The following ECPAS variants were observed in gnomAD, a reference collection of about 807,000 sequenced individuals.
ECPAS encodes the protein proteasome adapter and scaffold protein ECM29.
In ECPAS, 70 loss-of-function variants were observed where a neutral mutation model predicts 255.1. The ratio of observed to expected loss-of-function variants is 0.27; its 90% CI spans 0.23 to 0.33. ECPAS has a LOEUF of 0.33. Ranked by LOEUF, ECPAS falls within the 10% of genes least tolerant of loss-of-function variation. The pLI is 1.00. For synonymous variants in ECPAS, 784 were observed against 775.0 expected, an observed-to-expected ratio of 1.01 and a Z score of -0.19; for missense variants, 1,817 against 2,206.4, an observed-to-expected ratio of 0.82 and a Z score of 3.54.
intron 2 of ECPAS, among the ~76,000 whole-genome samples, chr9:111,461,367 A>G (rs1380412378): frequency 1.3e-5 from 2 of 152,028 alleles, no homozygotes; most frequent in African/African-American, 4.8e-5. Flanking sequence ...TGAGAGGCTT[A>G]GGTGGGAGAA....
At chr9:111,397,616 G>A (rs1363831956) in intron 24 of ECPAS, among the ~76,000 whole-genome samples, 2 of 152,128 alleles carry the variant, frequency 1.3e-5, no homozygotes, top group African/African-American at 4.8e-5. Flanking sequence ...AATTAAATGA[G>A]GTTAATGTAC....
chr9:111,463,780 T>C (rs2132033324), intron 2 of ECPAS, among the ~76,000 whole-genome samples: 1 of 152,166 alleles, frequency 6.6e-6, no homozygotes, highest in Non-Finnish European at 1.5e-5. Flanking sequence ...AATCTAACAG[T>C]ACCAAATGTT....
In ECPAS at chr9:111,372,298, T is replaced by C. The variant is rs1158606359; in HGVS notation, c.4528+131A>G. ...ATGGGATGAGCAATTTGGATGGGTT[T>C]AAAACTAAATGGGATGCATATTAAG... On this transcript the variant is annotated intron_variant, in intron 42 of 49. Transcript: ENST00000684092. 5 of 873,650 alleles carry C rather than the reference T, an allele frequency of 5.7e-6. No individual in the cohort carries two copies. In the African/African-American group the frequency reaches 6.7e-5, roughly 12 times the overall value. The allele number at this position is 873,650 out of a possible 1,614,324, so 54.1% of individuals were successfully genotyped here.
intron 35 of ECPAS, 110 bp from the exon 36 acceptor site, chr9:111,378,840 C>T: frequency 9.1e-7 from 1 of 1,103,758 alleles, no homozygotes; most frequent in Non-Finnish European, 1.2e-6. Context: ...CATATTTTCA[C>T]ATGGTTGCAG....
At chr9:111,464,868 C>T (rs891252662) in intron 2 of ECPAS, among the ~76,000 whole-genome samples, 2 of 152,162 alleles carry the variant, frequency 1.3e-5, no homozygotes, top group Non-Finnish European at 2.9e-5. Flanking sequence ...TGAATTGCAT[C>T]TGCAATGTTT....
At chr9:111,479,836 G>T (rs140932925) in intron 1 of ECPAS, among the ~76,000 whole-genome samples, 1 of 151,776 alleles carries the variant, frequency 6.6e-6, no homozygotes, top group African/African-American at 2.4e-5. Context: ...AAAATTAGCT[G>T]GGCGCAGTGA....
chr9:111,368,301 T>C (rs926363346), intron 46 of ECPAS, among the ~76,000 whole-genome samples: 8 of 152,178 alleles, frequency 5.3e-5, no homozygotes, highest in South Asian at 2.1e-4. Context: ...CAAATAGTAA[T>C]GAGTTTTTCA....
At chr9:111,475,283 G>A (rs931208732) in intron 1 of ECPAS, among the ~76,000 whole-genome samples, 5 of 152,182 alleles carry the variant, frequency 3.3e-5, no homozygotes, top group South Asian at 2.1e-4. Flanking sequence ...GGTCTGAAAC[G>A]AGAGCTCAGC....
intron 7 of ECPAS, 115 bp from the exon 8 acceptor site, chr9:111,433,487 G>A (rs1490332604): frequency 4.0e-6 from 4 of 995,456 alleles, no homozygotes; most frequent in Non-Finnish European, 6.1e-6. Flanking sequence ...AGTAACAACA[G>A]TAGCAGCTCC....
intron 12 of ECPAS, 144 bp from the exon 13 acceptor site, chr9:111,423,392 A>C: frequency 1.6e-6 from 1 of 626,816 alleles, no homozygotes; most frequent in Non-Finnish European, 2.8e-6. Context: ...CTGTCTAACT[A>C]CATGGTGTTA....
chr9:111,397,660 T>C (rs898323487), intron 24 of ECPAS, among the ~76,000 whole-genome samples: 1 of 152,372 alleles, frequency 6.6e-6, no homozygotes, highest in African/African-American at 2.4e-5. Context: ...TGATTGTGGT[T>C]ACTCCACAAT....
chr9:111,378,811 G>T, intron 35 of ECPAS, 81 bp from the exon 36 acceptor site: 1 of 1,327,838 alleles, frequency 7.5e-7, no homozygotes, highest in Non-Finnish European at 1.0e-6. Context: ...AGGATGTTCT[G>T]CAGTTCACTG....
Position 111,379,514 on chromosome 9 carries a change from T to C in ECPAS, c.3804-784A>G, listed in dbSNP as rs569164640. Among the ~76,000 whole-genome samples, 246 of 152,342 alleles carry C rather than the reference T, an allele frequency of 1.6e-3. 1 individual carries two copies. The highest frequency in any genetic ancestry group is 5.8e-3 in the African/African-American group (240 of 41,588). ...ACTGACTAATCAGGGTGGTGTTTGC[T>C]GAATGCTGGCGTGGCTGTCGTAATT... is the stretch of plus-strand genomic sequence containing the variant. On this transcript the variant is annotated intron_variant, in intron 35 of 49. Coordinates refer to ENST00000684092, the MANE Select transcript of ECPAS (RefSeq NM_001364929.1).
rs778746543 is a variant in ECPAS at position 111,440,466 on chromosome 9, A to C, written c.445T>G (p.Ser149Ala). The C allele has an allele frequency of 2.5e-6, 4 of 1,613,120 alleles. No homozygotes were observed. The South Asian group carries it at 3.3e-5, about 13-fold the overall frequency. The change falls in exon 6 of 50, where the codon TCA becomes GCA. Residue 149 changes from serine to alanine, a missense_variant. Physicochemically the swap from Ser to Ala is moderately conservative, Grantham distance 99. Coordinates refer to ENST00000684092, the MANE Select transcript of ECPAS (RefSeq NM_001364929.1). ...AGATTAAATGGAGAAGCTGATTTTG[A>C]TGATTCAACAGGGTATTTCATGTGA... The part of the protein sequence containing the change: ...LFHMKYPVES[S>A]KSASPFNLAE...
chr9:111,423,473 A>T (rs1366493278), intron 12 of ECPAS, among the ~76,000 whole-genome samples: 1 of 152,172 alleles, frequency 6.6e-6, no homozygotes, highest in African/African-American at 2.4e-5. Context: ...AACAAGACAA[A>T]ACCTTGCATC....
intron 3 of ECPAS, among the ~76,000 whole-genome samples, chr9:111,447,254 A>G (rs1163853006): frequency 3.3e-5 from 5 of 152,038 alleles, no homozygotes; most frequent in Non-Finnish European, 7.4e-5. Context: ...TCACTGCAGT[A>G]GCTGGGACTA....
chr9:111,438,864 A>G (rs1452600002), intron 6 of ECPAS, among the ~76,000 whole-genome samples: 1 of 152,232 alleles, frequency 6.6e-6, no homozygotes, highest in Non-Finnish European at 1.5e-5. Flanking sequence ...CACCGCATGA[A>G]CTCTCATTTC....
chr9:111,462,502 A>G (rs2098274353), intron 2 of ECPAS, among the ~76,000 whole-genome samples: 1 of 152,166 alleles, frequency 6.6e-6, no homozygotes, highest in South Asian at 2.1e-4. Context: ...TAGGGTATGT[A>G]AAATAAGAAA....
chr9:111,389,385 C>T (rs1192209276), intron 31 of ECPAS, among the ~76,000 whole-genome samples, 171 bp downstream of exon 31: 1 of 152,194 alleles, frequency 6.6e-6, no homozygotes, highest in African/African-American at 2.4e-5. Context: ...TTGCCATACA[C>T]ATCTTTGATA....
Sources: gnomAD v4.1 joint callset for allele counts (sites outside exome capture counted in the v4.1 genomes callset) on GRCh38, gnomAD v4.1.1 for gene constraint, MANE v1.5 for transcripts, NCBI Gene and HGNC (gene_info 2026-07-23, HGNC 2026-07-21) for gene names.